The following POU6F2 variants were observed in gnomAD, a reference collection of about 807,000 sequenced individuals.
The protein encoded by POU6F2 is POU class 6 homeobox 2, also known as POU domain, class 6, transcription factor 2.
Under a neutral mutation model 71.3 loss-of-function variants are expected in POU6F2, and 31 were observed. The observed-to-expected ratio is 0.43, with a 90% CI of 0.33 to 0.59. The LOEUF is 0.59. Among genes scored for constraint, POU6F2 ranks in the 20% least tolerant of loss-of-function variants. POU6F2 has a pLI of 0.04. For missense variants in POU6F2, 783 were observed against 856.8 expected (o/e 0.91, Z 1.07); for synonymous variants, 347 against 355.7 (o/e 0.98, Z 0.27).
intron 2 of POU6F2, among the ~76,000 whole-genome samples, chr7:39,169,887 G>T (rs2128738777): frequency 6.6e-6 from 1 of 152,166 alleles, no homozygotes; most frequent in East Asian, 1.9e-4. Context: ...TTATAAAATT[G>T]AATTCAAAGG....
chr7:39,029,565 G>T (rs1272863290), intron 1 of POU6F2, among the ~76,000 whole-genome samples: 2 of 151,910 alleles, frequency 1.3e-5, no homozygotes, highest in African/African-American at 4.8e-5. Context: ...TACCCTAAAA[G>T]CCCTGACTTC....
chr7:39,365,163 G>T (rs970267246), intron 5 of POU6F2, among the ~76,000 whole-genome samples: 2 of 152,154 alleles, frequency 1.3e-5, no homozygotes, highest in African/African-American at 2.4e-5. Context: ...TGCCAAAACA[G>T]CATGGTACTG....
intron 1 of POU6F2, among the ~76,000 whole-genome samples, chr7:39,020,383 G>A (rs1436355781): frequency 6.6e-6 from 1 of 152,108 alleles, no homozygotes; most frequent in Admixed American, 6.6e-5. Flanking sequence ...GTCCACCACT[G>A]ATGTGATTTC....
At chr7:39,303,438 C>T (rs1429157970) in intron 4 of POU6F2, among the ~76,000 whole-genome samples, 9 of 152,218 alleles carry the variant, frequency 5.9e-5, no homozygotes, top group Non-Finnish European at 1.0e-4. Flanking sequence ...TGAGACACCA[C>T]GCCCAGCCCT....
Position 39,406,760 on chromosome 7 carries a change from A to T in POU6F2, c.1113+20A>T. On this transcript the variant is annotated intron_variant, in intron 6 of 9. Coordinates refer to ENST00000518318, the MANE Select transcript of POU6F2 (RefSeq NM_001370959.1). ...GGACAGGTGAGTGGGAGATGGGAACAAGAGTGCATTTTTATGGCAGATTGA... is the reference window on the plus strand; with the variant it reads ...GGACAGGTGAGTGGGAGATGGGAACTAGAGTGCATTTTTATGGCAGATTGA... 1 of 1,612,312 alleles carries T rather than the reference A, an allele frequency of 6.2e-7. No individual in the cohort carries two copies. Among genetic ancestry groups the T allele is most frequent in the South Asian group, 1.1e-5 (1 of 91,078 alleles).
At chr7:39,199,196 A>G (rs1793844523) in intron 2 of POU6F2, among the ~76,000 whole-genome samples, 1 of 152,190 alleles carries the variant, frequency 6.6e-6, no homozygotes, top group African/African-American at 2.4e-5. Context: ...CATGGGAGGA[A>G]GTGGAGTTGT....
intron 5 of POU6F2, among the ~76,000 whole-genome samples, chr7:39,359,521 A>T (rs1311207467): frequency 2.0e-5 from 3 of 152,206 alleles, no homozygotes; most frequent in Non-Finnish European, 4.4e-5. Context: ...TTCCTAATTT[A>T]TGGAAATAGG....
At chr7:39,011,318 C>T (rs1789277062) in intron 1 of POU6F2, among the ~76,000 whole-genome samples, 1 of 151,686 alleles carries the variant, frequency 6.6e-6, no homozygotes, top group African/African-American at 2.4e-5. Flanking sequence ...TGGTTAAAGT[C>T]TGTTTTATCA....
chr7:39,438,163 TC>T (rs749149281), intron 7 of POU6F2, among the ~76,000 whole-genome samples: 1 of 151,808 alleles, frequency 6.6e-6, no homozygotes, highest in Non-Finnish European at 1.5e-5. Flanking sequence ...TTCTCATTGT[TC>T]AATTCCCACC....
chr7:39,377,611 C>T (rs904860742), intron 5 of POU6F2, among the ~76,000 whole-genome samples: 6 of 152,186 alleles, frequency 3.9e-5, no homozygotes, highest in Admixed American at 1.3e-4. Flanking sequence ...TTAGTGTTCA[C>T]ATGTCAGTAA....
intron 4 of POU6F2, among the ~76,000 whole-genome samples, chr7:39,237,511 C>T (rs771395514): frequency 1.4e-4 from 21 of 152,140 alleles, no homozygotes; most frequent in Non-Finnish European, 2.5e-4. Context: ...ATTACGTGTT[C>T]GCTGTGTCCC....
Position 39,460,886 on chromosome 7 carries a change from T to C in POU6F2, c.1658+171T>C, listed in dbSNP as rs1788932801. Among the ~76,000 whole-genome samples the C allele has an allele frequency of 6.6e-6, 1 of 152,152 alleles. No individual in the cohort carries two copies. Among genetic ancestry groups the C allele is most frequent in the Admixed American group, 6.5e-5 (1 of 15,276 alleles). On this transcript the variant is annotated intron_variant, in intron 9 of 9. Transcript: ENST00000518318. This position sits in a 1 kb window ranked among gnomAD's most constrained non-coding sequence, Gnocchi z 4.4. ...GTGATCTTGATGCAAACGACGCTGC[T>C]GAAGCAAATTTGGGGGTCCTGGCTT...
At chr7:39,222,607 GTC>G (rs1225437067) in intron 4 of POU6F2, among the ~76,000 whole-genome samples, 1 of 151,996 alleles carries the variant, frequency 6.6e-6, no homozygotes, top group Non-Finnish European at 1.5e-5. Flanking sequence ...TCTACTTTCT[GTC>G]TCTATGAATT....
At chr7:39,055,302 T>C (rs979656551) in intron 1 of POU6F2, among the ~76,000 whole-genome samples, 4 of 152,174 alleles carry the variant, frequency 2.6e-5, no homozygotes, top group African/African-American at 4.8e-5. Context: ...TCTTTGGATA[T>C]GAGAAAAGAT....
At chr7:39,360,819 A>G (rs1290419606) in intron 5 of POU6F2, among the ~76,000 whole-genome samples, 2 of 152,150 alleles carry the variant, frequency 1.3e-5, no homozygotes, top group African/African-American at 2.4e-5. Flanking sequence ...TGACATTGCT[A>G]TGGCATTTGT....
chr7:39,255,826 T>A (rs1784009401), intron 4 of POU6F2, among the ~76,000 whole-genome samples: 1 of 152,158 alleles, frequency 6.6e-6, no homozygotes, highest in Non-Finnish European at 1.5e-5. Flanking sequence ...TCTTCTCAAA[T>A]CTCCTTTAAA....
chr7:39,455,649 A>G (rs954129669), intron 8 of POU6F2, among the ~76,000 whole-genome samples: 1 of 152,220 alleles, frequency 6.6e-6, no homozygotes, highest in Non-Finnish European at 1.5e-5. Context: ...ATGTTGATGC[A>G]TGGTGACTAT....
intron 4 of POU6F2, among the ~76,000 whole-genome samples, chr7:39,306,079 T>C (rs921846494): frequency 3.9e-5 from 6 of 152,294 alleles, no homozygotes; most frequent in South Asian, 2.1e-4. Context: ...TGAAATCCTA[T>C]ATCCATGAGC....
At chr7:39,429,121 A>T (rs78971165) in intron 6 of POU6F2, among the ~76,000 whole-genome samples, 3 of 70,144 alleles carry the variant, frequency 4.3e-5, no homozygotes, top group African/African-American at 1.6e-4. Flanking sequence ...ATAATAATAA[A>T]AAAAAAAAAA....
Sources: allele counts gnomAD v4.1 joint callset (sites outside exome capture counted in the v4.1 genomes callset), GRCh38; gene constraint gnomAD v4.1.1; non-coding constraint Gnocchi (gnomAD v3.1); transcripts MANE v1.5; gene names NCBI Gene and HGNC (gene_info 2026-07-23, HGNC 2026-07-21).